The following FAM193A variants were observed in gnomAD, a reference collection of about 807,000 sequenced individuals.
FAM193A encodes the protein protein FAM193A.
A neutral mutation model predicts 126.5 loss-of-function variants in FAM193A; 22 were observed. The ratio of observed to expected loss-of-function variants is 0.17; its 90% CI spans 0.12 to 0.25. The LOEUF is 0.25. Ranked by LOEUF, FAM193A falls within the 10% of genes least tolerant of loss-of-function variation. The probability of loss-of-function intolerance (pLI) is 1.00; values close to 1 mark genes in which losing one functional copy is unlikely to be tolerated. For synonymous variants in FAM193A, 761 were observed against 646.8 expected (o/e 1.18, Z -2.68); for missense variants, 1,675 against 1,672.8 (o/e 1.00, Z -0.02).
chr4:2,690,840 T>C lies in FAM193A; in HGVS notation c.2673T>C (p.Asp891=), dbSNP rs924762195. ...AKKKCLYNFQ[D]AFMEANKVVM... Reference sequence around the variant, plus strand: ...AGAAATGTTTATACAATTTCCAAGATGCTTTCATGGAAGCAAATAAAGTTG... The same window carrying C: ...AGAAATGTTTATACAATTTCCAAGACGCTTTCATGGAAGCAAATAAAGTTG... Residue 891 remains aspartate, a synonymous_variant, in exon 15 of 21, where the codon GAT becomes GAC. Coordinates refer to ENST00000637812, the MANE Select transcript of FAM193A (RefSeq NM_001366318.2). The C allele has an allele frequency of 2.5e-6, 4 of 1,614,114 alleles. No homozygotes were observed. Among genetic ancestry groups the C allele is most frequent in the Non-Finnish European group, 3.4e-6 (4 of 1,180,048 alleles).
intron 19 of FAM193A, among the ~76,000 whole-genome samples, chr4:2,712,593 A>C (rs1016029452): frequency 6.6e-5 from 10 of 151,990 alleles, no homozygotes; most frequent in Non-Finnish European, 1.5e-5. Flanking sequence ...TGGTTTTAGG[A>C]CGTTCTCTTG....
intron 13 of FAM193A, among the ~76,000 whole-genome samples, chr4:2,674,207 G>A (rs1304026215): frequency 1.3e-5 from 2 of 152,160 alleles, no homozygotes; most frequent in Non-Finnish European, 2.9e-5. Flanking sequence ...GAAAATGTTC[G>A]TTTCTGTAAA....
chr4:2,643,088 C>G (rs1744796576), intron 6 of FAM193A, among the ~76,000 whole-genome samples: 1 of 152,078 alleles, frequency 6.6e-6, no homozygotes, highest in Non-Finnish European at 1.5e-5. Context: ...GACCCACAGG[C>G]AGTTGAGGGA....
chr4:2,657,951 A>G (rs1221719543), intron 8 of FAM193A, 71 bp downstream of exon 8: 1 of 1,044,326 alleles, frequency 9.6e-7, no homozygotes, highest in South Asian at 1.3e-5. Flanking sequence ...ACTTCTCTGC[A>G]TGTTGATGTG....
At chr4:2,658,749 TTTG>T (rs145773943) in intron 8 of FAM193A, among the ~76,000 whole-genome samples, 10,079 of 151,904 alleles carry the variant, frequency 0.066, 572 homozygotes, top group African/African-American at 0.15. Context: ...TCCCTGTGCT[TTTG>T]TTGTTGTTGT....
intron 1 of FAM193A, among the ~76,000 whole-genome samples, chr4:2,552,739 G>C (rs1578580944): frequency 6.6e-6 from 1 of 150,706 alleles, no homozygotes; most frequent in African/African-American, 2.4e-5. Flanking sequence ...GGGTTTCACC[G>C]TGTTAGCCAG....
chr4:2,606,146 G>A (rs1250613614), intron 2 of FAM193A, among the ~76,000 whole-genome samples: 1 of 140,134 alleles, frequency 7.1e-6, no homozygotes, highest in Non-Finnish European at 1.5e-5. Flanking sequence ...TGCTGCCTGG[G>A]TTCAAGTGAT....
intron 12 of FAM193A, among the ~76,000 whole-genome samples, chr4:2,665,361 CTTTTGCTGTTG>C (rs1712991872): frequency 6.6e-6 from 1 of 152,014 alleles, no homozygotes; most frequent in African/African-American, 2.4e-5. Context: ...CTAGTAGGTC[CTTTTGCTGTTG>C]TTTTGGTAGA....
chr4:2,626,755 C>T (rs1223344178), intron 4 of FAM193A, among the ~76,000 whole-genome samples, 178 bp downstream of exon 4: 3 of 152,196 alleles, frequency 2.0e-5, no homozygotes, highest in South Asian at 4.1e-4. Flanking sequence ...CTAGGTCAAA[C>T]GTCTTGAATT....
chr4:2,649,962 C>G (rs968064045), intron 7 of FAM193A, among the ~76,000 whole-genome samples: 1 of 152,112 alleles, frequency 6.6e-6, no homozygotes, highest in African/African-American at 2.4e-5. Flanking sequence ...AAGCATGAAC[C>G]CTATTGTGAA....
chr4:2,580,031 A>G (rs1197657892), intron 1 of FAM193A, among the ~76,000 whole-genome samples: 1 of 152,224 alleles, frequency 6.6e-6, no homozygotes, highest in Non-Finnish European at 1.5e-5. Context: ...ATCAACCCAA[A>G]TGCCCATCAA....
chr4:2,650,428 G>A (rs73207350), intron 7 of FAM193A, among the ~76,000 whole-genome samples: 8,376 of 152,262 alleles, frequency 0.055, 334 homozygotes, highest in Non-Finnish European at 0.086. Context: ...GCGAGGGGCC[G>A]GCTTTCCTGC....
intron 13 of FAM193A, among the ~76,000 whole-genome samples, chr4:2,676,267 C>T (rs574072516): frequency 6.6e-6 from 1 of 152,366 alleles, no homozygotes; most frequent in South Asian, 2.1e-4. Context: ...AGTTTCTCCA[C>T]ATCCTCATTA....
intron 1 of FAM193A, among the ~76,000 whole-genome samples, chr4:2,586,639 C>T (rs1740256426): frequency 6.6e-6 from 1 of 152,122 alleles, no homozygotes; most frequent in Admixed American, 6.5e-5. Flanking sequence ...CAGTACCACA[C>T]TCTCTGAATT....
chr4:2,577,506 C>A (rs111520928), intron 1 of FAM193A, among the ~76,000 whole-genome samples: 3 of 149,842 alleles, frequency 2.0e-5, no homozygotes, highest in African/African-American at 7.4e-5. Context: ...GCAACCTCTG[C>A]CTCCTGGGTT....
rs1254727265 is a variant in FAM193A, at chr4:2,630,962, G to A, written c.831G>A (p.Leu277=). ...DRLCERDPYQ[L]YQRLEQQARE... ...TCTGCGAGAGGGACCCCTACCAGCT[G>A]TACCAGCGTCTGGAACAGCAAGCTC... The change falls in exon 5 of 21, where the codon CTG becomes CTA. Residue 277 remains leucine (L), a synonymous_variant. Coordinates refer to ENST00000637812, the MANE Select transcript of FAM193A (RefSeq NM_001366318.2). 1.2e-6 allele frequency: 2 copies of A among 1,611,108 alleles called. No homozygotes were observed. Among genetic ancestry groups the A allele is most frequent in the Admixed American group, 3.3e-5 (2 of 59,976 alleles).
chr4:2,648,531 C>T (rs1182752723), intron 7 of FAM193A, among the ~76,000 whole-genome samples: 1 of 152,192 alleles, frequency 6.6e-6, no homozygotes, highest in Non-Finnish European at 1.5e-5. Flanking sequence ...TGTCACTGAC[C>T]AGCGACTTCT....
intron 1 of FAM193A, among the ~76,000 whole-genome samples, chr4:2,568,988 T>TTTTTTTTG: frequency 6.8e-6 from 1 of 146,944 alleles, no homozygotes. Context: ...TTTTTTTTTT[T>TTTTTTTTG]TTTTTTGATC....
intron 15 of FAM193A, among the ~76,000 whole-genome samples, chr4:2,692,903 G>T (rs1325806852): frequency 6.6e-6 from 1 of 151,836 alleles, no homozygotes; most frequent in African/African-American, 2.4e-5. Context: ...AGAGAAGGGA[G>T]GAAATTTTTA....
Sources: gnomAD v4.1 joint callset for allele counts (sites outside exome capture counted in the v4.1 genomes callset) on GRCh38, gnomAD v4.1.1 for gene constraint, MANE v1.5 for transcripts, NCBI Gene and HGNC (gene_info 2026-07-23, HGNC 2026-07-21) for gene names.